Variants in EFCAB3 observed in about 807,000 individuals in gnomAD.
EFCAB3 encodes the protein EF-hand calcium-binding domain-containing protein 3.
A neutral mutation model predicts 42.2 loss-of-function variants in EFCAB3; 36 were observed. The ratio of observed to expected loss-of-function variants is 0.85; its 90% CI spans 0.65 to 1.13. The LOEUF is 1.13. EFCAB3 is among the 50% of genes most tolerant of loss of function. The probability of loss-of-function intolerance (pLI) is 0.00; values close to 1 mark genes in which losing one functional copy is unlikely to be tolerated. For missense variants in EFCAB3, 418 were observed against 505.1 expected (o/e 0.83, Z 1.65); for synonymous variants, 170 against 172.8 (o/e 0.98, Z 0.13).
intron 6 of EFCAB3, among the ~76,000 whole-genome samples, chr17:62,398,498 CAAAA>C (rs11333238): frequency 4.0e-5 from 5 of 126,276 alleles, no homozygotes; most frequent in Non-Finnish European, 5.0e-5. Context: ...TTTTTATATG[CAAAA>C]AAAAAAAAAA....
chr17:62,413,089 C>CAT (rs2070513641), intron 8 of EFCAB3, among the ~76,000 whole-genome samples: 1 of 152,114 alleles, frequency 6.6e-6, no homozygotes, highest in Admixed American at 6.6e-5. Context: ...GCCTCCCTAA[C>CAT]TGTGATACAA....
At chr17:62,378,355 A>C (rs1364203304), upstream of EFCAB3, among the ~76,000 whole-genome samples, 1 of 152,136 alleles carries the variant, frequency 6.6e-6, no homozygotes. Flanking sequence ...CTCTGCCATT[A>C]AGGAAATTAA....
At chr17:62,382,208 T>C (rs79883251) in intron 1 of EFCAB3, among the ~76,000 whole-genome samples, 9,481 of 152,260 alleles carry the variant, frequency 0.062, 916 homozygotes, top group East Asian at 0.41. Context: ...TCTTTGTCAA[T>C]TATGACTTGA....
chr17:62,410,593 A>AAT lies in EFCAB3; in HGVS notation c.868-3129_868-3128dup, dbSNP rs1287275326. Among the ~76,000 whole-genome samples, 7 of 151,920 alleles carry AAT rather than the reference A, an allele frequency of 4.6e-5. No homozygotes were observed. The South Asian group carries it at 8.3e-4, about 18-fold the overall frequency. ...GCATGGTAAAATTCTGTCTCTACAA[A>AAT]ATATATATATAAATATATATATGAA... is the stretch of plus-strand genomic sequence containing the variant. On this transcript the variant is annotated intron_variant, in intron 8 of 9. Transcript: ENST00000305286.
intron 2 of EFCAB3, among the ~76,000 whole-genome samples, chr17:62,384,640 C>T (rs1168348582): frequency 2.0e-5 from 3 of 152,156 alleles, no homozygotes; most frequent in Admixed American, 2.0e-4. Flanking sequence ...GATCTTTACA[C>T]TGCCTTGAAT....
intron 3 of EFCAB3, among the ~76,000 whole-genome samples, chr17:62,390,302 A>G (rs1216988226): frequency 1.3e-5 from 2 of 152,216 alleles, no homozygotes; most frequent in Non-Finnish European, 2.9e-5. Flanking sequence ...AGAGGGGATG[A>G]GTTCCAATCC....
At chr17:62,385,602 C>T (rs2144065863) in intron 2 of EFCAB3, among the ~76,000 whole-genome samples, 1 of 152,214 alleles carries the variant, frequency 6.6e-6, no homozygotes, top group Non-Finnish European at 1.5e-5. Flanking sequence ...CCTTTTCTCC[C>T]AGGCCCCTCT....
At chr17:62,386,461 A>G (rs1410243687) in intron 2 of EFCAB3, among the ~76,000 whole-genome samples, 1 of 148,232 alleles carries the variant, frequency 6.7e-6, no homozygotes, top group Non-Finnish European at 1.5e-5. Flanking sequence ...ATAGTTGTAA[A>G]AGTTGTAAAA....
intron 2 of EFCAB3, among the ~76,000 whole-genome samples, chr17:62,385,883 C>T (rs1337337014): frequency 7.1e-6 from 1 of 141,574 alleles, no homozygotes; most frequent in Non-Finnish European, 1.5e-5. Context: ...CCATGCCCGG[C>T]TAATTTTTTT....
At chr17:62,375,591 G>A (rs1484175672), upstream of EFCAB3, among the ~76,000 whole-genome samples, 3 of 152,182 alleles carry the variant, frequency 2.0e-5, no homozygotes, top group South Asian at 2.1e-4. Flanking sequence ...ACCTGATAGA[G>A]GTTCTAGTCT....
At chr17:62,371,957 C>T (rs2070117535) in intron 1 of EFCAB3, among the ~76,000 whole-genome samples, 1 of 152,130 alleles carries the variant, frequency 6.6e-6, no homozygotes, top group South Asian at 2.1e-4. Context: ...TCCATTCAGC[C>T]TGGCCTTGAA....
chr17:62,382,879 C>T, intron 1 of EFCAB3, 84 bp from the exon 2 acceptor site: 1 of 1,197,252 alleles, frequency 8.4e-7, no homozygotes, highest in African/African-American at 1.6e-5. Flanking sequence ...TTTCAAACTC[C>T]AGGCTTTGAG....
At chr17:62,387,982 G>A (rs1455947895) in intron 3 of EFCAB3, among the ~76,000 whole-genome samples, 1 of 152,110 alleles carries the variant, frequency 6.6e-6, no homozygotes, top group South Asian at 2.1e-4. Flanking sequence ...AGGCAGGCCG[G>A]GCCGATCACC....
intron 2 of EFCAB3, among the ~76,000 whole-genome samples, chr17:62,384,228 A>G (rs192109865): frequency 3.9e-5 from 6 of 152,322 alleles, no homozygotes; most frequent in Non-Finnish European, 8.8e-5. Context: ...TTCCAAATGT[A>G]AGGTTCTTCA....
intron 1 of EFCAB3, among the ~76,000 whole-genome samples, chr17:62,371,799 G>A (rs2070116584): frequency 6.6e-6 from 1 of 152,102 alleles, no homozygotes; most frequent in African/African-American, 2.4e-5. Flanking sequence ...CTATTTACAT[G>A]GCTTACTCAC....
Position 62,406,541 on chromosome 17 carries a change from G to A in EFCAB3, c.550G>A (p.Gly184Ser), listed in dbSNP as rs1267229273. ...PGMLWSPYTMGYGKRTLKPDI... is the reference protein window; with the variant it reads ...PGMLWSPYTMSYGKRTLKPDI... ...AATGTTGTGGAGTCCCTACACTATG[G>A]GCTATGGAAAAAGGACACTTAAGCC... is the stretch of plus-strand genomic sequence containing the variant. Residue 184 changes from glycine to serine, a missense_variant, in exon 7 of 10, where the codon GGC (glycine) becomes AGC (serine). Physicochemically the swap from Gly to Ser is moderately conservative, Grantham distance 56. Coordinates refer to ENST00000305286, the MANE Select transcript of EFCAB3 (RefSeq NM_173503.4). The A allele has an allele frequency of 3.1e-6, 5 of 1,613,834 alleles. No individual in the cohort carries two copies. In the South Asian group the frequency reaches 5.5e-5, roughly 18 times the overall value.
chr17:62,412,361 CAA>C (rs1237628464), intron 8 of EFCAB3, among the ~76,000 whole-genome samples: 64 of 65,918 alleles, frequency 9.7e-4, no homozygotes, highest in African/African-American at 2.5e-3. Flanking sequence ...GACTCTGTCT[CAA>C]AAAAAAAAAA....
At chr17:62,406,866 T>C (rs1020376556) in intron 7 of EFCAB3, among the ~76,000 whole-genome samples, 162 bp from the exon 8 acceptor site, 4 of 114,466 alleles carry the variant, frequency 3.5e-5, no homozygotes, top group Non-Finnish European at 6.7e-5. Context: ...TGATGAAGCC[T>C]AGAGTCTGTG....
chr17:62,415,939 T>C lies in EFCAB3; in HGVS notation c.991-64T>C, dbSNP rs866464651. On this transcript the variant is annotated intron_variant, in intron 9 of 9. Transcript: ENST00000305286. ...GACATAACTCTTGGGGTATCTATCATTGTGGTCCACAAATCAAAGCTACTT... is the reference window on the plus strand; with the variant it reads ...GACATAACTCTTGGGGTATCTATCACTGTGGTCCACAAATCAAAGCTACTT... 1.9e-5 allele frequency: 25 copies of C among 1,317,904 alleles called. 1 individual carries two copies. In the Middle Eastern group the frequency reaches 2.4e-3, roughly 129 times the overall value. The allele number at this position is 1,317,904 out of a possible 1,614,324, so 81.6% of individuals were successfully genotyped here.
Sources: gnomAD v4.1 joint callset for allele counts (sites outside exome capture counted in the v4.1 genomes callset) on GRCh38, gnomAD v4.1.1 for gene constraint, MANE v1.5 for transcripts, NCBI Gene and HGNC (gene_info 2026-07-23, HGNC 2026-07-21) for gene names.